FAR2: variants seen among roughly 807,000 people sequenced by gnomAD.
FAR2 encodes the protein fatty acyl-CoA reductase 2, also known as epididymis secretory protein Li 81.
A neutral mutation model predicts 56.0 loss-of-function variants in FAR2; 19 were observed. That is an observed-to-expected ratio of 0.34 (90% CI 0.24 to 0.50). The LOEUF (loss-of-function observed/expected upper bound fraction) is 0.50, where lower values mean the gene tolerates loss of function less well. FAR2 is among the 20% of genes least tolerant of loss of function. The pLI, the probability that FAR2 is intolerant of heterozygous loss-of-function variation, is 0.98. For synonymous variants in FAR2, 219 were observed against 218.8 expected, an observed-to-expected ratio of 1.00 and a Z score of -0.01; for missense variants, 508 against 642.2, an observed-to-expected ratio of 0.79 and a Z score of 2.26.
intron 1 of FAR2, among the ~76,000 whole-genome samples, chr12:29,152,138 C>T (rs1591819384): frequency 6.6e-6 from 1 of 152,206 alleles, no homozygotes; most frequent in East Asian, 1.9e-4. Flanking sequence ...TCTTGGATCC[C>T]AAAGGTAGTT....
intron 4 of FAR2, among the ~76,000 whole-genome samples, chr12:29,297,506 AAAGC>A (rs942055469): frequency 1.3e-5 from 2 of 152,188 alleles, no homozygotes; most frequent in African/African-American, 4.8e-5. Context: ...GTCACTGGAT[AAAGC>A]AAGTATAATG....
chr12:29,331,526 C>T (rs1388504922), intron 10 of FAR2: 3 of 151,910 alleles, frequency 2.0e-5, no homozygotes, highest in African/African-American at 7.3e-5. Context: ...GAGATGATAC[C>T]AGAATCTTCT....
chr12:29,262,428 C>T (rs182919595), intron 1 of FAR2, among the ~76,000 whole-genome samples: 366 of 152,122 alleles, frequency 2.4e-3, no homozygotes, highest in African/African-American at 8.2e-3. Flanking sequence ...ATCAGGAGTT[C>T]GAGACCAGCC....
At chr12:29,189,911 C>T (rs764048713) in intron 1 of FAR2, among the ~76,000 whole-genome samples, 10 of 152,070 alleles carry the variant, frequency 6.6e-5, no homozygotes, top group Non-Finnish European at 1.0e-4. Flanking sequence ...GGAGATGGAG[C>T]TGATTCCAGA....
intron 10 of FAR2, among the ~76,000 whole-genome samples, chr12:29,326,746 C>T (rs576764230): frequency 1.6e-3 from 245 of 152,192 alleles, no homozygotes; most frequent in Non-Finnish European, 2.8e-3. Flanking sequence ...ATTGATGGGA[C>T]GTATCTCAAA....
chr12:29,270,701 T>A, intron 2 of FAR2, 63 bp downstream of exon 2: 1 of 1,427,538 alleles, frequency 7.0e-7, no homozygotes, highest in Non-Finnish European at 9.5e-7. Flanking sequence ...TTCACTACAA[T>A]GTTCTCTTAT....
intron 1 of FAR2, among the ~76,000 whole-genome samples, chr12:29,154,610 T>A (rs754597435): frequency 6.6e-6 from 1 of 152,088 alleles, no homozygotes; most frequent in Admixed American, 6.5e-5. Context: ...AATTTTTGTA[T>A]TTTTAGTAGA....
At chr12:29,206,230 G>A (rs1947477155) in intron 1 of FAR2, among the ~76,000 whole-genome samples, 1 of 152,208 alleles carries the variant, frequency 6.6e-6, no homozygotes, top group Admixed American at 6.5e-5. Context: ...GGATCACAGT[G>A]ACTTCTATTG....
At chr12:29,328,881 TTAAAA>T (rs1026123556) in intron 10 of FAR2, among the ~76,000 whole-genome samples, 9 of 151,824 alleles carry the variant, frequency 5.9e-5, no homozygotes, top group Non-Finnish European at 7.4e-5. Context: ...ATCCTAAAAC[TTAAAA>T]TATAATAATA....
At chr12:29,201,966 C>A (rs2136617690) in intron 1 of FAR2, among the ~76,000 whole-genome samples, 1 of 152,208 alleles carries the variant, frequency 6.6e-6, no homozygotes, top group East Asian at 1.9e-4. Flanking sequence ...TGGATGATGA[C>A]TCTCAGGAAA....
In FAR2 at chr12:29,309,242, G is replaced by T. The variant is rs758437634; in HGVS notation, c.768+12G>T. ...GAATCATTATTGCGGTATGTATAAT[G>T]ATGAAGAAATAACTCCCTGAAATGT... On this transcript the variant is annotated intron_variant, in intron 6 of 11. Coordinates refer to ENST00000536681, the MANE Select transcript of FAR2 (RefSeq NM_001271783.2). 3.8e-6 allele frequency: 6 copies of T among 1,586,400 alleles called. No individual in the cohort carries two copies. In the South Asian group the frequency reaches 5.6e-5, roughly 15 times the overall value.
chr12:29,152,271 A>G (rs1020004214), intron 1 of FAR2, among the ~76,000 whole-genome samples: 2 of 152,330 alleles, frequency 1.3e-5, no homozygotes, highest in African/African-American at 2.4e-5. Flanking sequence ...AAAAATCTGT[A>G]AGTTCAAAAG....
chr12:29,229,224 C>T (rs922544427), intron 1 of FAR2, among the ~76,000 whole-genome samples: 3 of 152,134 alleles, frequency 2.0e-5, no homozygotes, highest in African/African-American at 7.2e-5. Flanking sequence ...AGGTATGAGG[C>T]TCCTGAAAGT....
intron 10 of FAR2, among the ~76,000 whole-genome samples, chr12:29,328,651 C>G (rs1949683826): frequency 6.7e-6 from 1 of 149,314 alleles, no homozygotes; most frequent in Non-Finnish European, 1.5e-5. Flanking sequence ...GACAAAAAAC[C>G]AAACACCGCA....
intron 1 of FAR2, among the ~76,000 whole-genome samples, chr12:29,234,393 C>A (rs1260683717): frequency 6.6e-6 from 1 of 152,148 alleles, no homozygotes; most frequent in Non-Finnish European, 1.5e-5. Flanking sequence ...TTCAGCCTCA[C>A]CTTCTACATC....
At chr12:29,270,356 T>A in intron 1 of FAR2, 56 bp from the exon 2 acceptor site, 1 of 1,329,434 alleles carries the variant, frequency 7.5e-7, no homozygotes, top group South Asian at 1.7e-5. Flanking sequence ...TTTAAGTGAC[T>A]TTGAATATGA....
intron 10 of FAR2, among the ~76,000 whole-genome samples, chr12:29,323,616 T>G (rs2136817006): frequency 6.6e-6 from 1 of 152,344 alleles, no homozygotes; most frequent in Admixed American, 6.5e-5. Context: ...CAGCCACCGC[T>G]GCTGATACCC....
At chr12:29,264,831 G>T (rs531574714) in intron 1 of FAR2, among the ~76,000 whole-genome samples, 1 of 151,362 alleles carries the variant, frequency 6.6e-6, no homozygotes, top group Non-Finnish European at 1.5e-5. Flanking sequence ...CAGTAAAGTT[G>T]CAAGATACCA....
intron 1 of FAR2, among the ~76,000 whole-genome samples, chr12:29,187,653 C>A (rs574970321): frequency 1.3e-5 from 2 of 152,126 alleles, no homozygotes; most frequent in African/African-American, 4.8e-5. Flanking sequence ...ATGGTCTTTT[C>A]TAGTCTACAT....
Sources: allele counts gnomAD v4.1 joint callset (sites outside exome capture counted in the v4.1 genomes callset), GRCh38; gene constraint gnomAD v4.1.1; transcripts MANE v1.5; gene names NCBI Gene and HGNC (gene_info 2026-07-23, HGNC 2026-07-21).